The following CHST9 variants were observed in gnomAD, a reference collection of about 807,000 sequenced individuals.
The protein encoded by CHST9 is carbohydrate sulfotransferase 9.
In CHST9, 41 loss-of-function variants were observed where a neutral mutation model predicts 44.4. That is an observed-to-expected ratio of 0.92 (90% CI 0.72 to 1.20). CHST9 has a LOEUF of 1.20. Ranked by LOEUF, CHST9 falls within the 50% of genes most tolerant of loss-of-function variation. CHST9 has a pLI of 0.00. For missense variants in CHST9, 504 were observed against 516.5 expected (o/e 0.98, Z 0.23); for synonymous variants, 171 against 178.4 (o/e 0.96, Z 0.33).
chr18:27,049,159 G>C (rs559360843), intron 2 of CHST9, among the ~76,000 whole-genome samples: 2 of 152,094 alleles, frequency 1.3e-5, no homozygotes, highest in Non-Finnish European at 2.9e-5. Flanking sequence ...TTAGACACAA[G>C]GCAATGAAAG....
chr18:27,159,052 T>C (rs1173551962), intron 1 of CHST9, among the ~76,000 whole-genome samples: 2 of 152,218 alleles, frequency 1.3e-5, no homozygotes, highest in African/African-American at 4.8e-5. Flanking sequence ...TCTCCCATTT[T>C]GTAGGTTGCC....
intron 4 of CHST9, among the ~76,000 whole-genome samples, chr18:26,991,986 G>A (rs2056822100): frequency 7.8e-6 from 1 of 127,974 alleles, no homozygotes; most frequent in African/African-American, 2.6e-5. Context: ...AGAATATTGA[G>A]GATGGGAGGA....
At chr18:26,922,238 C>T (rs1194107457) in intron 5 of CHST9, among the ~76,000 whole-genome samples, 1 of 152,114 alleles carries the variant, frequency 6.6e-6, no homozygotes, top group East Asian at 1.9e-4. Context: ...TCATGGTCTC[C>T]TCCTTTCTTG....
chr18:27,114,686 A>G (rs921712116), intron 2 of CHST9, among the ~76,000 whole-genome samples: 2 of 152,196 alleles, frequency 1.3e-5, no homozygotes, highest in African/African-American at 4.8e-5. Flanking sequence ...GGGCATTAAT[A>G]TATATGAAAT....
chr18:27,153,523 T>G (rs1161052487), intron 1 of CHST9, among the ~76,000 whole-genome samples: 1 of 143,208 alleles, frequency 7.0e-6, no homozygotes, highest in African/African-American at 2.7e-5. Context: ...TCTCTCTCTG[T>G]CTTTCTCTCT....
At chr18:27,172,359 C>T (rs1282486894) in intron 1 of CHST9, among the ~76,000 whole-genome samples, 1 of 151,808 alleles carries the variant, frequency 6.6e-6, no homozygotes, top group Non-Finnish European at 1.5e-5. Context: ...TGATTTTACC[C>T]AGTTTTCTTG....
intron 2 of CHST9, among the ~76,000 whole-genome samples, chr18:27,127,111 T>G (rs1344810409): frequency 6.6e-6 from 1 of 152,130 alleles, no homozygotes; most frequent in African/African-American, 2.4e-5. Context: ...TTAAGGGGTC[T>G]GGAGACATTC....
intron 3 of CHST9, among the ~76,000 whole-genome samples, chr18:27,046,091 T>C (rs2057496800): frequency 6.6e-6 from 1 of 151,884 alleles, no homozygotes. Flanking sequence ...ACGTTGGCAA[T>C]GATTTAACCA....
chr18:27,000,652 C>CTATCTATCTATT, intron 4 of CHST9, among the ~76,000 whole-genome samples: 1 of 151,042 alleles, frequency 6.6e-6, no homozygotes, highest in African/African-American at 2.4e-5. Flanking sequence ...ATCTATCTAT[C>CTATCTATCTATT]TATCTCTCTA....
chr18:27,081,358 A>T (rs1048397691), intron 2 of CHST9, among the ~76,000 whole-genome samples: 1 of 152,130 alleles, frequency 6.6e-6, no homozygotes. Flanking sequence ...AACAAAAAAG[A>T]AGAAAAGAAA....
At chr18:27,168,006 T>C (rs1011954289) in intron 1 of CHST9, among the ~76,000 whole-genome samples, 2 of 151,788 alleles carry the variant, frequency 1.3e-5, no homozygotes, top group Non-Finnish European at 1.5e-5. Context: ...ATCAAGGCCT[T>C]GAAGGCAATT....
At chr18:27,129,088 T>C (rs1352234262) in intron 2 of CHST9, among the ~76,000 whole-genome samples, 1 of 151,330 alleles carries the variant, frequency 6.6e-6, no homozygotes, top group Non-Finnish European at 1.5e-5. Context: ...TGAGAAATAG[T>C]AGAGGAAAGT....
chr18:27,121,536 A>G (rs917892627), intron 2 of CHST9, among the ~76,000 whole-genome samples: 1 of 152,336 alleles, frequency 6.6e-6, no homozygotes, highest in African/African-American at 2.4e-5. Context: ...CCTCAGTAGG[A>G]TGAATCAGAA....
chr18:27,159,609 T>C (rs1285634218), intron 1 of CHST9, among the ~76,000 whole-genome samples: 1 of 152,210 alleles, frequency 6.6e-6, no homozygotes, highest in Non-Finnish European at 1.5e-5. Flanking sequence ...TTTGGTTCCA[T>C]ATGAACTTTA....
intron 4 of CHST9, among the ~76,000 whole-genome samples, chr18:27,011,327 A>G (rs2057081596): frequency 6.6e-6 from 1 of 152,224 alleles, no homozygotes; most frequent in Non-Finnish European, 1.5e-5. Context: ...ATTGGTGTAA[A>G]CAGACAAGCT....
chr18:26,937,722 G>T (rs568376608), intron 5 of CHST9, among the ~76,000 whole-genome samples: 11 of 152,220 alleles, frequency 7.2e-5, no homozygotes, highest in African/African-American at 2.6e-4. Flanking sequence ...TTCCTACTTC[G>T]CAGGGTCACT....
At chr18:27,050,670 A>G (rs2057555457) in intron 2 of CHST9, among the ~76,000 whole-genome samples, 2 of 152,182 alleles carry the variant, frequency 1.3e-5, no homozygotes, top group African/African-American at 4.8e-5. Flanking sequence ...AATTTATTTC[A>G]ATGATTCCAA....
intron 3 of CHST9, among the ~76,000 whole-genome samples, chr18:27,044,496 A>G (rs1340485378): frequency 1.3e-5 from 2 of 152,114 alleles, no homozygotes; most frequent in South Asian, 2.1e-4. Flanking sequence ...CAAAGTGAGA[A>G]TGAAACATGT....
intron 2 of CHST9, among the ~76,000 whole-genome samples, chr18:27,091,258 G>T (rs563807955): frequency 6.6e-6 from 1 of 152,088 alleles, no homozygotes; most frequent in Non-Finnish European, 1.5e-5. Flanking sequence ...TCTGTTAATG[G>T]TGTATAGGAA....
Sources: gnomAD v4.1 joint callset for allele counts (sites outside exome capture counted in the v4.1 genomes callset) on GRCh38, gnomAD v4.1.1 for gene constraint, MANE v1.5 for transcripts, NCBI Gene and HGNC (gene_info 2026-07-23, HGNC 2026-07-21) for gene names.